The following XIRP2 variants were observed in gnomAD, a reference collection of about 807,000 sequenced individuals.
XIRP2 encodes xin actin-binding repeat-containing protein 2.
A neutral mutation model predicts 277.0 loss-of-function variants in XIRP2; 236 were observed. The observed-to-expected ratio is 0.85, with a 90% CI of 0.77 to 0.95. XIRP2 has a LOEUF of 0.95. Ranked by LOEUF, XIRP2 falls within the 40% of genes least tolerant of loss-of-function variation. The pLI is 0.00. For synonymous variants in XIRP2, 1,490 were observed against 1,416.5 expected (o/e 1.05, Z -1.17); for missense variants, 4,640 against 4,157.5 (o/e 1.12, Z -3.19).
intron 2 of XIRP2, among the ~76,000 whole-genome samples, chr2:167,072,985 A>C (rs892112633): frequency 6.6e-6 from 1 of 152,326 alleles, no homozygotes; most frequent in East Asian, 1.9e-4. Flanking sequence ...AAACGATAAA[A>C]GTAAAATTTT....
At chr2:167,158,027 G>A (rs370532090) in intron 3 of XIRP2, among the ~76,000 whole-genome samples, 6 of 152,248 alleles carry the variant, frequency 3.9e-5, no homozygotes, top group African/African-American at 1.2e-4. Flanking sequence ...CTTTAAAACA[G>A]TGTTCTAGTT....
At chr2:167,075,478 C>T (rs1017580726) in intron 2 of XIRP2, among the ~76,000 whole-genome samples, 2 of 152,174 alleles carry the variant, frequency 1.3e-5, no homozygotes, top group Admixed American at 1.3e-4. Flanking sequence ...GCTGCTTGAT[C>T]AAGGTATTGT....
At chr2:166,900,218 T>G (rs1684346927) in intron 1 of XIRP2, among the ~76,000 whole-genome samples, 1 of 152,108 alleles carries the variant, frequency 6.6e-6, no homozygotes, top group African/African-American at 2.4e-5. Context: ...TCTATCATCG[T>G]ATCTTCAAAT....
At chr2:167,241,746 T>G (rs1313429898) in intron 7 of XIRP2, 31 bp from the exon 8 acceptor site, 1 of 1,578,300 alleles carries the variant, frequency 6.3e-7, no homozygotes, top group African/African-American at 1.4e-5. Context: ...AGTAATTACA[T>G]AGTAACCCTG....
intron 1 of XIRP2, among the ~76,000 whole-genome samples, chr2:166,897,427 A>G (rs780167464): frequency 3.9e-5 from 6 of 152,082 alleles, no homozygotes; most frequent in Non-Finnish European, 7.4e-5. Context: ...GTCACCATCG[A>G]CAATACTGAA....
chr2:166,967,182 A>C (rs945480665), intron 2 of XIRP2, among the ~76,000 whole-genome samples: 1 of 151,922 alleles, frequency 6.6e-6, no homozygotes, highest in Non-Finnish European at 1.5e-5. Context: ...TAAAGAAAAC[A>C]CTACAAATAA....
chr2:167,258,500 AG>A lies in XIRP2; in HGVS notation c.*685del. The A allele has an allele frequency of 6.2e-7, 1 of 1,613,258 alleles. No homozygotes were observed. ...TGAAGCTGAAGACACAAAGAGTAACAGGAAAAGTGCTATGGATCTTAATGAC... is the reference window on the plus strand; with the variant it reads ...TGAAGCTGAAGACACAAAGAGTAACAGAAAAGTGCTATGGATCTTAATGAC... On this transcript the variant is annotated 3_prime_UTR_variant, in exon 11 of 11. Coordinates refer to ENST00000409195, the MANE Select transcript of XIRP2 (RefSeq NM_152381.6).
chr2:167,210,715 C>T lies in XIRP2; in HGVS notation c.563-20C>T. 1.2e-6 allele frequency: 2 copies of T among 1,613,798 alleles called. No homozygotes were observed. Among genetic ancestry groups the T allele is most frequent in the East Asian group, 2.2e-5 (1 of 44,846 alleles). Reference sequence around the variant, plus strand: ...TTAAAGCTTAACACACATGTGTAAGCATGCTCTGTTTGCTTTCAGCGACTG... The same window carrying T: ...TTAAAGCTTAACACACATGTGTAAGTATGCTCTGTTTGCTTTCAGCGACTG... On this transcript the variant is annotated intron_variant, in intron 3 of 10. Coordinates refer to ENST00000409195, the MANE Select transcript of XIRP2 (RefSeq NM_152381.6).
At chr2:167,219,368 T>G (rs1463313477) in intron 5 of XIRP2, among the ~76,000 whole-genome samples, 1 of 152,212 alleles carries the variant, frequency 6.6e-6, no homozygotes, top group African/African-American at 2.4e-5. Context: ...TGAGTGTAGA[T>G]GTGTGTGTTT....
intron 3 of XIRP2, among the ~76,000 whole-genome samples, chr2:167,154,786 A>G (rs1386423999): frequency 1.3e-5 from 2 of 152,118 alleles, no homozygotes; most frequent in African/African-American, 2.4e-5. Context: ...AAAACCCTTC[A>G]AAAAATTAAT....
intron 2 of XIRP2, among the ~76,000 whole-genome samples, chr2:167,061,718 T>A (rs1689178584): frequency 6.6e-6 from 1 of 152,006 alleles, no homozygotes; most frequent in African/African-American, 2.4e-5. Flanking sequence ...GAAAGCCATT[T>A]GAAGGTGGAA....
At chr2:166,940,669 G>C (rs1685680755) in intron 2 of XIRP2, among the ~76,000 whole-genome samples, 1 of 152,204 alleles carries the variant, frequency 6.6e-6, no homozygotes. Flanking sequence ...CTAACAGTCA[G>C]GACCCTCAGC....
chr2:167,172,887 A>T (rs563167769), intron 3 of XIRP2, among the ~76,000 whole-genome samples: 2 of 152,344 alleles, frequency 1.3e-5, no homozygotes, highest in Admixed American at 6.5e-5. Context: ...AGGAAATCAC[A>T]AGAGTATTGA....
chr2:167,015,074 G>A (rs886201338), intron 2 of XIRP2, among the ~76,000 whole-genome samples: 1 of 151,786 alleles, frequency 6.6e-6, no homozygotes, highest in African/African-American at 2.4e-5. Context: ...CTGCAAAAAT[G>A]AGTTCTTTCC....
At chr2:167,240,844 A>T in intron 7 of XIRP2, 108 bp downstream of exon 7, 2 of 929,438 alleles carry the variant, frequency 2.2e-6, no homozygotes, top group African/African-American at 1.6e-5. Context: ...TAACTTTAGT[A>T]ACTATGACTC....
intron 2 of XIRP2, among the ~76,000 whole-genome samples, chr2:167,132,740 A>C (rs1377077352): frequency 6.6e-6 from 1 of 152,036 alleles, no homozygotes; most frequent in Admixed American, 6.6e-5. Flanking sequence ...TATTGTCTTC[A>C]CCTGGAAAGC....
chr2:167,015,751 A>G (rs1379788396), intron 2 of XIRP2, among the ~76,000 whole-genome samples: 8 of 151,826 alleles, frequency 5.3e-5, no homozygotes, highest in African/African-American at 1.4e-4. Flanking sequence ...ACCCTGGAGA[A>G]GGCAGATGCC....
chr2:166,975,493 A>G (rs1686686387), intron 2 of XIRP2, among the ~76,000 whole-genome samples: 1 of 151,496 alleles, frequency 6.6e-6, no homozygotes, highest in African/African-American at 2.5e-5. Flanking sequence ...TTCAAAAAAG[A>G]AAAGAAAAGA....
At chr2:167,211,923 A>G (rs963353714) in intron 4 of XIRP2, among the ~76,000 whole-genome samples, 7 of 152,178 alleles carry the variant, frequency 4.6e-5, no homozygotes, top group African/African-American at 1.7e-4. Flanking sequence ...TTCTTTTATA[A>G]TTATAATCTC....
Sources: allele counts gnomAD v4.1 joint callset (sites outside exome capture counted in the v4.1 genomes callset), GRCh38; gene constraint gnomAD v4.1.1; transcripts MANE v1.5; gene names NCBI Gene and HGNC (gene_info 2026-07-23, HGNC 2026-07-21).